Variants in PMPCA observed in about 807,000 individuals in gnomAD.
The protein encoded by PMPCA is peptidase, mitochondrial processing subunit alpha, also known as mitochondrial-processing peptidase subunit alpha.
A neutral mutation model predicts 59.3 loss-of-function variants in PMPCA; 47 were observed. The observed-to-expected ratio is 0.79, with a 90% CI of 0.63 to 1.01. The LOEUF (loss-of-function observed/expected upper bound fraction) is 1.01, where lower values mean the gene tolerates loss of function less well. Ranked by LOEUF, PMPCA falls within the 50% of genes least tolerant of loss-of-function variation. The pLI, the probability that PMPCA is intolerant of heterozygous loss-of-function variation, is 0.00. For synonymous variants in PMPCA, 338 were observed against 290.3 expected (o/e 1.16, Z -1.67); for missense variants, 726 against 704.5 (o/e 1.03, Z -0.34).
intron 1 of PMPCA, chr9:136,411,489 C>A (rs573393004): frequency 7.0e-5 from 12 of 171,138 alleles, no homozygotes; most frequent in Non-Finnish European, 1.1e-4. Flanking sequence ...AAAGGGCAAG[C>A]CCTGGAACGG....
intron 12 of PMPCA, chr9:136,422,815 A>C (rs1265539638): frequency 8.1e-7 from 1 of 1,233,736 alleles, no homozygotes; most frequent in Non-Finnish European, 1.0e-6. Flanking sequence ...TTCATCAGAC[A>C]CGGAGCTCGC....
chr9:136,411,968 T>C, intron 1 of PMPCA, 29 bp from the exon 2 acceptor site: 1 of 1,430,248 alleles, frequency 7.0e-7, no homozygotes, highest in Non-Finnish European at 9.8e-7. Context: ...CTCAAGCCTG[T>C]TGTAACTGGG....
intron 2 of PMPCA, 144 bp downstream of exon 2, chr9:136,412,343 C>T: frequency 3.8e-6 from 3 of 785,986 alleles, no homozygotes; most frequent in Non-Finnish European, 6.6e-6. Context: ...TGTTGAGCTA[C>T]ACATATACCT....
intron 5 of PMPCA, 47 bp from the exon 6 acceptor site, chr9:136,416,244 A>G: frequency 7.3e-7 from 1 of 1,372,180 alleles, no homozygotes; most frequent in East Asian, 2.3e-5. Context: ...TGTGTTCCTC[A>G]TCTCTGCCTG....
At chr9:136,422,170 C>G in intron 12 of PMPCA, 194 bp downstream of exon 12, 1 of 1,525,098 alleles carries the variant, frequency 6.6e-7, no homozygotes, top group Non-Finnish European at 8.8e-7. Context: ...TCTCACTTCC[C>G]GGCCCCACCA....
chr9:136,414,688 A>G, intron 5 of PMPCA, 41 bp downstream of exon 5: 1 of 1,307,790 alleles, frequency 7.6e-7, no homozygotes, highest in South Asian at 1.2e-5. Context: ...GGGCTTGGAC[A>G]TAGGGAAGAC....
rs778953110 is a variant in PMPCA at position 136,412,095 on chromosome 9, C to T, written c.170C>T (p.Ala57Val). 2 of 1,613,342 alleles carry T rather than the reference C, an allele frequency of 1.2e-6. No individual in the cohort carries two copies. Among genetic ancestry groups the T allele is most frequent in the Non-Finnish European group, 1.7e-6 (2 of 1,179,296 alleles). The change falls in exon 2 of 13, where the codon GCT (alanine) becomes GTT (valine). Residue 57 changes from alanine to valine, a missense_variant. Coordinates refer to ENST00000371717, the MANE Select transcript of PMPCA (RefSeq NM_015160.3). Reference sequence around the variant, plus strand: ...CCTGGAGTACCCAAGCCTGTTTTTGCTACAGTTGATGGACAGGAAAAGTTT... The same window carrying T: ...CCTGGAGTACCCAAGCCTGTTTTTGTTACAGTTGATGGACAGGAAAAGTTT... ...PLPGVPKPVF[A>V]TVDGQEKFET... is the part of the protein sequence containing the mutation.
chr9:136,417,608 G>A (rs556248143), intron 7 of PMPCA, among the ~76,000 whole-genome samples: 7 of 152,114 alleles, frequency 4.6e-5, no homozygotes, highest in African/African-American at 1.4e-4. Flanking sequence ...GAGTAGCTGG[G>A]ATTACCACCA....
chr9:136,422,145 G>C lies in PMPCA; in HGVS notation c.1408+169G>C, dbSNP rs189852074. 2.5e-5 allele frequency: 39 copies of C among 1,542,518 alleles called. 1 individual carries two copies. The Admixed American group carries it at 6.3e-4, about 25-fold the overall frequency. On this transcript the variant is annotated intron_variant, in intron 12 of 12. Transcript: ENST00000371717. Reference sequence around the variant, plus strand: ...AGGGGCGGCCAAGGGCAGGGTCGTGGGGTCGCAGACCTGGTCTCACTTCCC... The same window carrying C: ...AGGGGCGGCCAAGGGCAGGGTCGTGCGGTCGCAGACCTGGTCTCACTTCCC...
Position 136,417,021 on chromosome 9 carries a change from G to C in PMPCA, c.704G>C (p.Arg235Pro). ...ACAGAAAACGTAGCAAAGATCAACC[G>C]AGAGGTGCTGCATTCCTACCTGAGG... ...CPTENVAKIN[R>P]EVLHSYLRNY... The change falls in exon 7 of 13, where the codon CGA (arginine) becomes CCA (proline). Residue 235 changes from arginine (R) to proline (P), a missense_variant. Transcript: ENST00000371717. The C allele has an allele frequency of 6.2e-7, 1 of 1,613,592 alleles. No homozygotes were observed. The highest frequency in any genetic ancestry group is 8.5e-7 in the Non-Finnish European group (1 of 1,180,012).
In PMPCA at chr9:136,411,846, G is replaced by C. The variant is rs953768091; in HGVS notation, c.72-151G>C. On this transcript the variant is annotated intron_variant, in intron 1 of 12. Transcript: ENST00000371717. ...GGCTGAGCCTTTGTTGTCAGCCTCT[G>C]CTTTGTCTTCCAAAGTCTGTAGAAA... The C allele has an allele frequency of 3.6e-5, 23 of 635,482 alleles. No homozygotes were observed. The South Asian group carries it at 4.4e-4, about 12-fold the overall frequency. 39.4% of individuals were successfully genotyped at this position (635,482 alleles called of 1,614,324 possible).
chr9:136,414,359 T>C (rs1192856021), intron 4 of PMPCA, among the ~76,000 whole-genome samples, 194 bp from the exon 5 acceptor site: 1 of 151,298 alleles, frequency 6.6e-6, no homozygotes, highest in Non-Finnish European at 1.5e-5. Context: ...CAAGCGTCCC[T>C]GAAATGTCTG....
Position 136,418,921 on chromosome 9 carries a change from G to T in PMPCA, c.1200+3G>T. The stretch of plus-strand genomic sequence containing the variant: ...ATGCCAGCGCCGACCCAAGACAGGT[G>T]AGGGCCCCGCCTGCCACCGTCCTCA... On this transcript the variant is annotated splice_donor_region_variant and intron_variant, in intron 10 of 12. Coordinates refer to ENST00000371717, the MANE Select transcript of PMPCA (RefSeq NM_015160.3). 6.2e-7 allele frequency: 1 copy of T among 1,613,422 alleles called. No individual in the cohort carries two copies.
chr9:136,420,298 G>A (rs1012704552), intron 11 of PMPCA: 2 of 151,676 alleles, frequency 1.3e-5, no homozygotes, highest in Non-Finnish European at 2.9e-5. Flanking sequence ...CTCCTGAGTA[G>A]CTGGGATTAC....
In PMPCA at chr9:136,416,982, A is replaced by G. The variant is rs761164804; in HGVS notation, c.665A>G (p.His222Arg). The change falls in exon 7 of 13, where the codon CAC becomes CGC. Residue 222 changes from histidine to arginine, a missense_variant. Coordinates refer to ENST00000371717, the MANE Select transcript of PMPCA (RefSeq NM_015160.3). Reference sequence around the variant, plus strand: ...TACAGGGAGAACACAGTTGGCCTCCACCGTTTCTGCCCCACAGAAAACGTA... The same window carrying G: ...TACAGGGAGAACACAGTTGGCCTCCGCCGTTTCTGCCCCACAGAAAACGTA... The part of the protein sequence containing the change: ...AAYRENTVGL[H>R]RFCPTENVAK... 5.0e-6 allele frequency: 8 copies of G among 1,612,134 alleles called. 1 individual carries two copies. The South Asian group carries it at 8.8e-5, about 18-fold the overall frequency.
At chr9:136,418,517 G>A (rs763516846) in intron 8 of PMPCA, 38 bp from the exon 9 acceptor site, 13 of 1,290,254 alleles carry the variant, frequency 1.0e-5, no homozygotes, top group Middle Eastern at 1.9e-4. Context: ...CTGACGTGGC[G>A]TGGGTGGTTC....
At chr9:136,414,394 C>T (rs1226333885) in intron 4 of PMPCA, among the ~76,000 whole-genome samples, 159 bp from the exon 5 acceptor site, 1 of 152,172 alleles carries the variant, frequency 6.6e-6, no homozygotes, top group East Asian at 1.9e-4. Context: ...AAGGTAGGTG[C>T]CCCTGGCATG....
intron 5 of PMPCA, 122 bp from the exon 6 acceptor site, chr9:136,416,169 G>A (rs1223039912): frequency 4.2e-6 from 3 of 715,248 alleles, no homozygotes; most frequent in Non-Finnish European, 5.0e-6. Flanking sequence ...GATGAAGGCA[G>A]AGGTGACTGC....
At chr9:136,412,392 C>T (rs1417509137) in intron 2 of PMPCA, 98 bp from the exon 3 acceptor site, 1 of 765,192 alleles carries the variant, frequency 1.3e-6, no homozygotes, top group East Asian at 2.5e-5. Context: ...GTAATTAAAT[C>T]TGATTATCAT....
Sources: allele counts gnomAD v4.1 joint callset (sites outside exome capture counted in the v4.1 genomes callset), GRCh38; gene constraint gnomAD v4.1.1; transcripts MANE v1.5; gene names NCBI Gene and HGNC (gene_info 2026-07-23, HGNC 2026-07-21).